The following CPNE4 variants were observed in gnomAD, a reference collection of about 807,000 sequenced individuals.
CPNE4 encodes copine-4.
A neutral mutation model predicts 67.9 loss-of-function variants in CPNE4; 25 were observed. The ratio of observed to expected loss-of-function variants is 0.37; its 90% CI spans 0.27 to 0.51. The LOEUF (loss-of-function observed/expected upper bound fraction) is 0.51. CPNE4 is among the 20% of genes least tolerant of loss of function. The probability of loss-of-function intolerance (pLI) is 0.93; values close to 1 mark genes in which losing one functional copy is unlikely to be tolerated. For missense variants in CPNE4, 464 were observed against 690.8 expected, an observed-to-expected ratio of 0.67 and a Z score of 3.68; for synonymous variants, 242 against 244.9, an observed-to-expected ratio of 0.99 and a Z score of 0.11.
chr3:131,876,520 T>A (rs2087461401), intron 2 of CPNE4, among the ~76,000 whole-genome samples: 1 of 150,636 alleles, frequency 6.6e-6, no homozygotes, highest in African/African-American at 2.4e-5. Flanking sequence ...CGGGCGCCTG[T>A]AGTCCCAGCT....
At chr3:131,922,113 A>T (rs1302618410) in intron 1 of CPNE4, among the ~76,000 whole-genome samples, 1 of 152,154 alleles carries the variant, frequency 6.6e-6, no homozygotes, top group African/African-American at 2.4e-5. Context: ...TATTGTTGCC[A>T]TCTTTACGTA....
chr3:131,647,396 A>G (rs931472305), intron 7 of CPNE4, among the ~76,000 whole-genome samples: 1 of 152,212 alleles, frequency 6.6e-6, no homozygotes, highest in African/African-American at 2.4e-5. Flanking sequence ...AGTGGAGAAG[A>G]GCATTGGCAA....
rs774125661 is a variant in CPNE4, at chr3:131,542,673, C to T, written c.1423G>A (p.Ala475Thr). ...AGCATCTGCATGTCACTGAAGTCAG[C>T]GTTCCCTACTCCCACGATGATGACT... ...MSVIIVGVGNADFSDMQMLDG... is the reference protein window; with the variant it reads ...MSVIIVGVGNTDFSDMQMLDG... Residue 475 changes from alanine (A) to threonine (T), a missense_variant, in exon 15 of 16, where the codon GCT becomes ACT. By Grantham distance (58) the Ala-to-Thr change is moderately conservative. Transcript: ENST00000429747. 7 of 1,614,020 alleles carry T rather than the reference C, an allele frequency of 4.3e-6. No individual in the cohort carries two copies. Among genetic ancestry groups the T allele is most frequent in the Non-Finnish European group, 5.1e-6 (6 of 1,179,928 alleles).
rs920268125 is a variant in CPNE4 at position 131,953,953 on chromosome 3, C to A, written c.-1-48509G>T. 5.3e-5 allele frequency among the ~76,000 whole-genome samples: 8 copies of A among 152,188 alleles called. No homozygotes were observed. The East Asian group carries it at 1.5e-3, about 29-fold the overall frequency. Reference sequence around the variant, plus strand: ...TTGAGGTGATTGATATCCTAAACATCCTGATTCAATCATTATACATTGTAC... The same window carrying A: ...TTGAGGTGATTGATATCCTAAACATACTGATTCAATCATTATACATTGTAC... On this transcript the variant is annotated intron_variant, in intron 1 of 15. Coordinates refer to ENST00000429747, the MANE Select transcript of CPNE4 (RefSeq NM_130808.3).
intron 2 of CPNE4, among the ~76,000 whole-genome samples, chr3:131,863,677 T>C (rs1352793977): frequency 6.6e-6 from 1 of 152,248 alleles, no homozygotes; most frequent in Non-Finnish European, 1.5e-5. Context: ...CTGATGATAG[T>C]TTCTTTTGCT....
intron 2 of CPNE4, among the ~76,000 whole-genome samples, chr3:131,792,696 C>CACACGTGTGTATATATGTAT (rs1560322840): frequency 2.2e-5 from 1 of 44,542 alleles, no homozygotes; most frequent in African/African-American, 8.4e-5. Flanking sequence ...TGTATATATA[C>CACACGTGTGTATATATGTAT]ATATACACAC....
Position 131,723,532 on chromosome 3 carries a change from G to C in CPNE4, c.274C>G (p.Arg92Gly). 1 of 1,613,948 alleles carries C rather than the reference G, an allele frequency of 6.2e-7. No individual in the cohort carries two copies. Among genetic ancestry groups the C allele is most frequent in the South Asian group, 1.1e-5 (1 of 91,068 alleles). Residue 92 changes from arginine (R) to glycine (G), a missense_variant, in exon 3 of 16, where the codon CGG becomes GGG. By Grantham distance (125) the Arg-to-Gly change is moderately radical. Transcript: ENST00000429747. ...CTGCTGATGTCATGGACTTCAAACC[G>C]CAGGCGCTGCACCTCCTCAAAGTAA... is the stretch of plus-strand genomic sequence containing the variant. ...DFYFEEVQRL[R>G]FEVHDISSNH...
intron 2 of CPNE4, among the ~76,000 whole-genome samples, chr3:131,738,773 A>T (rs1473927405): frequency 6.6e-6 from 1 of 151,992 alleles, no homozygotes; most frequent in Non-Finnish European, 1.5e-5. Flanking sequence ...CAAATGTGAG[A>T]TCATTTTTCT....
At chr3:131,749,303 T>A (rs1030029699) in intron 2 of CPNE4, among the ~76,000 whole-genome samples, 1 of 152,170 alleles carries the variant, frequency 6.6e-6, no homozygotes, top group Non-Finnish European at 1.5e-5. Flanking sequence ...AATTCTATTA[T>A]GGCTACAGAA....
chr3:131,801,964 C>G (rs1181176158), intron 2 of CPNE4, among the ~76,000 whole-genome samples: 1 of 145,928 alleles, frequency 6.9e-6, no homozygotes, highest in African/African-American at 2.5e-5. Flanking sequence ...ATCAGATGGA[C>G]TGATCTTTCA....
At chr3:131,919,452 A>G (rs1292842671) in intron 1 of CPNE4, among the ~76,000 whole-genome samples, 1 of 152,208 alleles carries the variant, frequency 6.6e-6, no homozygotes, top group Non-Finnish European at 1.5e-5. Flanking sequence ...GCTAAATACA[A>G]AACAGTACAT....
At chr3:131,585,507 A>G (rs1354243895) in intron 8 of CPNE4, among the ~76,000 whole-genome samples, 1 of 152,228 alleles carries the variant, frequency 6.6e-6, no homozygotes, top group African/African-American at 2.4e-5. Context: ...CCATTTCCTC[A>G]GTGGAACTTA....
chr3:131,934,595 G>C (rs1445135894), intron 1 of CPNE4, among the ~76,000 whole-genome samples: 9 of 152,022 alleles, frequency 5.9e-5, no homozygotes, highest in Admixed American at 5.9e-4. Flanking sequence ...CCCAGTGTGT[G>C]ATGTTCCCCT....
intron 2 of CPNE4, among the ~76,000 whole-genome samples, chr3:131,738,634 C>A (rs1053353889): frequency 6.6e-6 from 1 of 151,686 alleles, no homozygotes; most frequent in Non-Finnish European, 1.5e-5. Flanking sequence ...TTTGTTTGTT[C>A]GTTTTTGTTT....
intron 2 of CPNE4, among the ~76,000 whole-genome samples, chr3:131,840,208 T>C (rs2085719938): frequency 6.6e-6 from 1 of 152,218 alleles, no homozygotes; most frequent in African/African-American, 2.4e-5. Flanking sequence ...TCTATAATTT[T>C]CTCAATTAGT....
chr3:131,761,918 G>C (rs1301682119), intron 2 of CPNE4, among the ~76,000 whole-genome samples: 1 of 152,060 alleles, frequency 6.6e-6, no homozygotes, highest in Non-Finnish European at 1.5e-5. Context: ...GAACAATCAG[G>C]AGGCCTTTTT....
intron 2 of CPNE4, among the ~76,000 whole-genome samples, chr3:131,735,576 C>T (rs1459111836): frequency 6.6e-6 from 1 of 152,178 alleles, no homozygotes; most frequent in Non-Finnish European, 1.5e-5. Flanking sequence ...ACTTGTTTAG[C>T]CCTCTCTTTC....
chr3:131,955,429 T>TTTTTTTTTTTTTTTTTTTTTTTTTTTTTC (rs57945572), intron 1 of CPNE4, among the ~76,000 whole-genome samples: 1 of 136,650 alleles, frequency 7.3e-6, no homozygotes, highest in Non-Finnish European at 1.6e-5. Flanking sequence ...TTTTTTTTTT[T>TTTTTTTTTTTTTTTTTTTTTTTTTTTTTC]TTTTTGTATG....
intron 2 of CPNE4, among the ~76,000 whole-genome samples, chr3:131,826,883 T>A (rs1302679042): frequency 2.0e-5 from 3 of 151,840 alleles, no homozygotes; most frequent in East Asian, 3.9e-4. Flanking sequence ...AATAATTTTT[T>A]AAAATTAGCC....
Sources: allele counts gnomAD v4.1 joint callset (sites outside exome capture counted in the v4.1 genomes callset), GRCh38; gene constraint gnomAD v4.1.1; transcripts MANE v1.5; gene names NCBI Gene and HGNC (gene_info 2026-07-23, HGNC 2026-07-21).